The following TMC1 variants were observed in gnomAD, a reference collection of about 807,000 sequenced individuals.
TMC1 encodes the protein transmembrane channel-like protein 1.
In TMC1, 84 loss-of-function variants were observed where a neutral mutation model predicts 105.8. The ratio of observed to expected loss-of-function variants is 0.79; its 90% CI spans 0.67 to 0.95. The LOEUF (loss-of-function observed/expected upper bound fraction) is 0.95. Ranked by LOEUF, TMC1 falls within the 40% of genes least tolerant of loss-of-function variation. The pLI is 0.00. For missense variants in TMC1, 817 were observed against 914.1 expected (o/e 0.89, Z 1.37); for synonymous variants, 315 against 311.5 (o/e 1.01, Z -0.12).
intron 8 of TMC1, among the ~76,000 whole-genome samples, chr9:72,704,299 C>A (rs1826696631): frequency 6.6e-6 from 1 of 152,114 alleles, no homozygotes; most frequent in South Asian, 2.1e-4. Flanking sequence ...GGGTTCGAAG[C>A]CTTCTTGTTC....
intron 5 of TMC1, among the ~76,000 whole-genome samples, chr9:72,664,108 T>C (rs1159022953): frequency 1.3e-5 from 2 of 152,216 alleles, no homozygotes; most frequent in Non-Finnish European, 2.9e-5. Flanking sequence ...GTTAATTTCC[T>C]TTTTTACAAG....
intron 8 of TMC1, 100 bp downstream of exon 8, chr9:72,700,743 T>TATATATATATATACACAC (rs1242969553): frequency 7.6e-6 from 1 of 130,842 alleles, no homozygotes; most frequent in African/African-American, 4.3e-5. Context: ...TATATATATA[T>TATATATATATATACACAC]ACACACACAC....
intron 4 of TMC1, among the ~76,000 whole-genome samples, chr9:72,637,823 A>G (rs1364602437): frequency 6.6e-6 from 1 of 152,240 alleles, no homozygotes; most frequent in African/African-American, 2.4e-5. Context: ...GATGTGGTTG[A>G]TTCAAATTTC....
chr9:72,658,213 G>T (rs1470234933), intron 5 of TMC1, among the ~76,000 whole-genome samples: 1 of 151,910 alleles, frequency 6.6e-6, no homozygotes, highest in African/African-American at 2.4e-5. Flanking sequence ...AAAATTGAAA[G>T]GTAGTTTAGG....
At chr9:72,604,363 A>G (rs1407637602) in intron 2 of TMC1, among the ~76,000 whole-genome samples, 1 of 152,216 alleles carries the variant, frequency 6.6e-6, no homozygotes, top group East Asian at 1.9e-4. Flanking sequence ...CTGAAAGAAG[A>G]TTATATTTCT....
intron 7 of TMC1, among the ~76,000 whole-genome samples, chr9:72,695,443 G>A (rs1038687685): frequency 1.3e-5 from 2 of 152,154 alleles, no homozygotes; most frequent in African/African-American, 2.4e-5. Flanking sequence ...TAGGAAAAAT[G>A]TACGTGTAAA....
chr9:72,710,066 T>TG (rs1826811103), intron 8 of TMC1, among the ~76,000 whole-genome samples: 7 of 152,180 alleles, frequency 4.6e-5, no homozygotes, highest in Non-Finnish European at 2.9e-5. Context: ...TATTGTTCAG[T>TG]TCAAAGAATT....
intron 1 of TMC1, among the ~76,000 whole-genome samples, chr9:72,549,261 A>C (rs781319974): frequency 1.3e-5 from 2 of 151,904 alleles, no homozygotes; most frequent in Non-Finnish European, 2.9e-5. Context: ...TTTATTCATT[A>C]ATTTTTTTGT....
At chr9:72,777,517 C>T (rs1472008620) in intron 13 of TMC1, among the ~76,000 whole-genome samples, 3 of 152,128 alleles carry the variant, frequency 2.0e-5, no homozygotes, top group Admixed American at 6.5e-5. Context: ...GATATTCTGG[C>T]AAATCCCACA....
chr9:72,766,615 G>GCAGGGGA (rs1417181620), intron 12 of TMC1, among the ~76,000 whole-genome samples: 2 of 152,074 alleles, frequency 1.3e-5, no homozygotes, highest in Admixed American at 6.5e-5. Context: ...GAGGCAGGGG[G>GCAGGGGA]ACAAGAGTAC....
chr9:72,779,660 T>A (rs1439783027), intron 13 of TMC1, among the ~76,000 whole-genome samples: 1 of 152,072 alleles, frequency 6.6e-6, no homozygotes, highest in African/African-American at 2.4e-5. Context: ...GAGGAAAGAA[T>A]CTCAGAGCTC....
At chr9:72,822,556 G>A (rs897361415) in intron 20 of TMC1, among the ~76,000 whole-genome samples, 1 of 150,044 alleles carries the variant, frequency 6.7e-6, no homozygotes, top group African/African-American at 2.5e-5. Context: ...GTGTGTGTGT[G>A]TGTGTTTCCA....
At chr9:72,770,021 A>T (rs1465739239) in intron 12 of TMC1, among the ~76,000 whole-genome samples, 1 of 152,170 alleles carries the variant, frequency 6.6e-6, no homozygotes, top group Non-Finnish European at 1.5e-5. Context: ...TCTTAACTAG[A>T]TAAATGTGAA....
At chr9:72,751,303 C>T (rs1398793395) in intron 10 of TMC1, among the ~76,000 whole-genome samples, 2 of 152,166 alleles carry the variant, frequency 1.3e-5, no homozygotes, top group African/African-American at 4.8e-5. Flanking sequence ...AGCTTTTATA[C>T]CATCCCTGTA....
intron 1 of TMC1, among the ~76,000 whole-genome samples, chr9:72,571,571 C>A (rs543378371): frequency 2.0e-5 from 3 of 150,054 alleles, no homozygotes; most frequent in Non-Finnish European, 4.4e-5. Context: ...CTCAGCCTCC[C>A]GAGTGGCTGT....
At chr9:72,782,396 G>A (rs1351818880) in intron 13 of TMC1, among the ~76,000 whole-genome samples, 1 of 152,100 alleles carries the variant, frequency 6.6e-6, no homozygotes, top group South Asian at 2.1e-4. Context: ...TTGAGAACTG[G>A]AACAAGACAA....
At chr9:72,523,853 C>T (rs1157145162) in intron 1 of TMC1, among the ~76,000 whole-genome samples, 1 of 152,032 alleles carries the variant, frequency 6.6e-6, no homozygotes. Context: ...TGTATAGAGG[C>T]CTGAAACAGC....
chr9:72,711,257 A>T (rs953288842), intron 8 of TMC1, among the ~76,000 whole-genome samples: 1 of 152,154 alleles, frequency 6.6e-6, no homozygotes, highest in Non-Finnish European at 1.5e-5. Context: ...CAGTAAAATG[A>T]TTTATAATCC....
At chr9:72,535,028 C>T (rs978547652) in intron 1 of TMC1, among the ~76,000 whole-genome samples, 4 of 139,874 alleles carry the variant, frequency 2.9e-5, no homozygotes, top group Admixed American at 2.3e-4. Context: ...CAAAGGCAGT[C>T]GATTCATGGA....
Sources: gnomAD v4.1 joint callset for allele counts (sites outside exome capture counted in the v4.1 genomes callset) on GRCh38, gnomAD v4.1.1 for gene constraint, MANE v1.5 for transcripts, NCBI Gene and HGNC (gene_info 2026-07-23, HGNC 2026-07-21) for gene names.